The following GRIN2A variants were observed in gnomAD, a reference collection of about 807,000 sequenced individuals.
The protein encoded by GRIN2A is glutamate ionotropic receptor NMDA type subunit 2A.
Under a neutral mutation model 113.4 loss-of-function variants are expected in GRIN2A, and 22 were observed. The ratio of observed to expected loss-of-function variants is 0.19; its 90% CI spans 0.14 to 0.28. The LOEUF (loss-of-function observed/expected upper bound fraction) is 0.28, where lower values mean the gene tolerates loss of function less well. Ranked by LOEUF, GRIN2A falls within the 10% of genes least tolerant of loss-of-function variation. The pLI is 1.00. For synonymous variants in GRIN2A, 827 were observed against 738.4 expected (o/e 1.12, Z -1.94); for missense variants, 1,502 against 1,887.0 (o/e 0.80, Z 3.78).
rs1256632995 is a variant in GRIN2A, at chr16:9,758,507, G to T, written c.*4642C>A. 4.7e-6 allele frequency: 1 copy of T among 214,852 alleles called. No homozygotes were observed. The highest frequency in any genetic ancestry group is 6.9e-5 in the East Asian group (1 of 14,460). The allele number at this position is 214,852 out of a possible 1,614,324, so 13.3% of individuals were successfully genotyped here. ...CCTCCCATAAAAATAACCAGAATGGGTTTTCCATGTGTTAATACCATCATC... is the reference window on the plus strand; with the variant it reads ...CCTCCCATAAAAATAACCAGAATGGTTTTTCCATGTGTTAATACCATCATC... On this transcript the variant is annotated 3_prime_UTR_variant, in exon 13 of 13. Coordinates refer to ENST00000330684, the MANE Select transcript of GRIN2A (RefSeq NM_001134407.3).
chr16:10,052,669 A>G (rs1453391577), intron 2 of GRIN2A, among the ~76,000 whole-genome samples: 1 of 152,182 alleles, frequency 6.6e-6, no homozygotes, highest in African/African-American at 2.4e-5. Flanking sequence ...AGATCTGTTG[A>G]GGCAGGAAGC....
chr16:9,782,602 A>G (rs549663379), intron 11 of GRIN2A, among the ~76,000 whole-genome samples: 1 of 152,332 alleles, frequency 6.6e-6, no homozygotes, highest in African/African-American at 2.4e-5. Flanking sequence ...GGTTCTCTTG[A>G]CATTTGACTT....
chr16:10,054,332 T>G (rs1174282426), intron 2 of GRIN2A, among the ~76,000 whole-genome samples: 2 of 152,208 alleles, frequency 1.3e-5, no homozygotes, highest in African/African-American at 4.8e-5. Context: ...AAATGCAAAT[T>G]GAAGACCATG....
In GRIN2A at chr16:9,760,271, G is replaced by GTT. The variant is rs1356551581; in HGVS notation, c.*2876_*2877dup. The GTT allele has an allele frequency of 7.7e-5, 17 of 222,158 alleles. No individual in the cohort carries two copies. The highest frequency in any genetic ancestry group is 1.3e-4 in the Non-Finnish European group (15 of 111,610). The allele number at this position is 222,158 out of a possible 1,614,324, so 13.8% of individuals were successfully genotyped here. A position where few individuals can be genotyped will look rare whatever the true frequency, so the allele number is the denominator to read the frequency against. ...CTGTGGGTTCCATTTACCACTGGACGTTACATTCCTGATATTCTTTTTGCA... is the reference window on the plus strand; with the variant it reads ...CTGTGGGTTCCATTTACCACTGGACGTTTTACATTCCTGATATTCTTTTTGCA... On this transcript the variant is annotated 3_prime_UTR_variant, in exon 13 of 13. Coordinates refer to ENST00000330684, the MANE Select transcript of GRIN2A (RefSeq NM_001134407.3).
At chr16:9,872,990 A>G (rs2043296768) in intron 4 of GRIN2A, among the ~76,000 whole-genome samples, 1 of 152,216 alleles carries the variant, frequency 6.6e-6, no homozygotes, top group Admixed American at 6.5e-5. Context: ...GGCTGCAATG[A>G]GCCATGATTG....
intron 11 of GRIN2A, among the ~76,000 whole-genome samples, chr16:9,788,978 G>A (rs1020972111): frequency 2.0e-5 from 3 of 151,942 alleles, no homozygotes; most frequent in Non-Finnish European, 2.9e-5. Flanking sequence ...TCCTGACCTC[G>A]TGATCCACCC....
chr16:9,892,255 A>C (rs1047925254), intron 3 of GRIN2A, among the ~76,000 whole-genome samples: 17 of 152,100 alleles, frequency 1.1e-4, no homozygotes, highest in African/African-American at 2.4e-5. Flanking sequence ...AACAAAAAAA[A>C]CTATGGGAAG....
chr16:10,032,952 G>A (rs953377490), intron 2 of GRIN2A, among the ~76,000 whole-genome samples: 1 of 152,118 alleles, frequency 6.6e-6, no homozygotes, highest in Non-Finnish European at 1.5e-5. Flanking sequence ...TTACCCAGTG[G>A]AGAGTTTCTC....
chr16:9,967,214 G>A (rs573047014), intron 2 of GRIN2A, among the ~76,000 whole-genome samples: 1 of 152,296 alleles, frequency 6.6e-6, no homozygotes, highest in South Asian at 2.1e-4. Flanking sequence ...CAGCCAATGA[G>A]TGGATCAAGA....
At chr16:9,960,269 A>T (rs1281796311) in intron 2 of GRIN2A, among the ~76,000 whole-genome samples, 1 of 152,266 alleles carries the variant, frequency 6.6e-6, no homozygotes, top group Non-Finnish European at 1.5e-5. Flanking sequence ...TAGAGATTAC[A>T]TGAAAAAGTT....
intron 12 of GRIN2A, 124 bp downstream of exon 12, chr16:9,768,727 C>T: frequency 2.5e-6 from 2 of 790,306 alleles, no homozygotes; most frequent in African/African-American, 1.7e-5. Flanking sequence ...TCTGGATGCT[C>T]TTGTGACATG....
chr16:9,903,310 G>A, intron 3 of GRIN2A, among the ~76,000 whole-genome samples: 1 of 152,018 alleles, frequency 6.6e-6, no homozygotes, highest in Non-Finnish European at 1.5e-5. Flanking sequence ...ACAGCACTTA[G>A]CAATACATTG....
chr16:9,926,365 T>C (rs1485853439), intron 3 of GRIN2A, among the ~76,000 whole-genome samples: 2 of 152,226 alleles, frequency 1.3e-5, no homozygotes, highest in Non-Finnish European at 2.9e-5. Flanking sequence ...GCCTCTCCAA[T>C]CTTGGGAAGC....
At chr16:9,973,790 A>T (rs1056679837) in intron 2 of GRIN2A, among the ~76,000 whole-genome samples, 1 of 151,506 alleles carries the variant, frequency 6.6e-6, no homozygotes, top group African/African-American at 2.4e-5. Flanking sequence ...GCTGGGGGGA[A>T]AAAAAACAAA....
intron 2 of GRIN2A, among the ~76,000 whole-genome samples, chr16:10,088,739 T>G (rs1365313997): frequency 6.6e-6 from 1 of 152,192 alleles, no homozygotes; most frequent in Non-Finnish European, 1.5e-5. Context: ...CCCCCACCTT[T>G]TCCTCTCTCC....
At chr16:9,899,367 G>T (rs1041360884) in intron 3 of GRIN2A, among the ~76,000 whole-genome samples, 103 of 148,480 alleles carry the variant, frequency 6.9e-4, no homozygotes, top group African/African-American at 2.5e-3. Context: ...TTGAATCCAG[G>T]AGGTGGAGGT....
intron 4 of GRIN2A, among the ~76,000 whole-genome samples, chr16:9,877,829 C>T (rs1216846791): frequency 1.9e-5 from 2 of 107,736 alleles, no homozygotes; most frequent in Admixed American, 1.8e-4. Context: ...ATCCCCCCTC[C>T]CTGTCCTGCT....
At chr16:9,915,734 G>C (rs2044236537) in intron 3 of GRIN2A, among the ~76,000 whole-genome samples, 1 of 152,206 alleles carries the variant, frequency 6.6e-6, no homozygotes, top group Non-Finnish European at 1.5e-5. Context: ...ATTTGGGTTT[G>C]TGAACTGTCT....
chr16:9,800,059 C>T lies in GRIN2A; in HGVS notation c.2169-1595G>A, dbSNP rs975645799. On this transcript the variant is annotated intron_variant, in intron 10 of 12. Coordinates refer to ENST00000330684, the MANE Select transcript of GRIN2A (RefSeq NM_001134407.3). ...GTGCGATCTCAGCTCACTGCAACCTCCACCTCCTGGGTTCAAGTGATTCTT... is the reference window on the plus strand; with the variant it reads ...GTGCGATCTCAGCTCACTGCAACCTTCACCTCCTGGGTTCAAGTGATTCTT... Among the ~76,000 whole-genome samples the T allele has an allele frequency of 2.6e-5, 4 of 152,154 alleles. No homozygotes were observed. The East Asian group carries it at 7.7e-4, about 29-fold the overall frequency.
Sources: gnomAD v4.1 joint callset for allele counts (sites outside exome capture counted in the v4.1 genomes callset) on GRCh38, gnomAD v4.1.1 for gene constraint, MANE v1.5 for transcripts, NCBI Gene and HGNC (gene_info 2026-07-23, HGNC 2026-07-21) for gene names.